The following SSBP3 variants were observed in gnomAD, a reference collection of about 807,000 sequenced individuals.
SSBP3 encodes the protein single stranded DNA binding protein 3.
Under a neutral mutation model 69.6 loss-of-function variants are expected in SSBP3, and 5 were observed. The ratio of observed to expected loss-of-function variants is 0.07; its 90% CI spans 0.04 to 0.15. The LOEUF (loss-of-function observed/expected upper bound fraction) is 0.15. Among genes scored for constraint, SSBP3 ranks in the 10% least tolerant of loss-of-function variants. The pLI, the probability that SSBP3 is intolerant of heterozygous loss-of-function variation, is 1.00. For missense variants in SSBP3, 312 were observed against 534.0 expected (o/e 0.58, Z 4.10); for synonymous variants, 196 against 193.4 (o/e 1.01, Z -0.11).
upstream of SSBP3, among the ~76,000 whole-genome samples, chr1:54,406,877 C>T (rs1355083748): frequency 1.3e-5 from 2 of 151,766 alleles, no homozygotes; most frequent in East Asian, 2.0e-4. Flanking sequence ...CAGCCCAGCC[C>T]TTATCTCGCC....
chr1:54,371,859 C>T (rs995198623), intron 4 of SSBP3, among the ~76,000 whole-genome samples: 17 of 152,128 alleles, frequency 1.1e-4, no homozygotes, highest in Non-Finnish European at 2.2e-4. Context: ...TACCCTGCAA[C>T]CACCACCTGG....
intron 4 of SSBP3, among the ~76,000 whole-genome samples, chr1:54,373,404 G>T (rs1647167559): frequency 6.6e-6 from 1 of 152,160 alleles, no homozygotes; most frequent in Admixed American, 6.5e-5. Flanking sequence ...CACGAATCCA[G>T]CCAATCTGGG....
At chr1:54,299,587 T>C (rs1645765032) in intron 4 of SSBP3, among the ~76,000 whole-genome samples, 1 of 151,746 alleles carries the variant, frequency 6.6e-6, no homozygotes, top group African/African-American at 2.4e-5. Context: ...GGAAACAAAT[T>C]ATTAGGAAAA....
chr1:54,285,269 A>G (rs1168420244), intron 4 of SSBP3: 1 of 152,250 alleles, frequency 6.6e-6, no homozygotes, highest in Non-Finnish European at 1.5e-5. Flanking sequence ...ATAGGGCAAC[A>G]AAAGAGTTAA....
intron 3 of SSBP3, 99 bp downstream of exon 3, chr1:54,404,477 C>T: frequency 6.9e-7 from 1 of 1,459,110 alleles, no homozygotes. Flanking sequence ...CAGAGGGCCA[C>T]AGGGCGGAGG....
chr1:54,229,624 C>G (rs942026604), intron 14 of SSBP3, among the ~76,000 whole-genome samples: 4 of 152,164 alleles, frequency 2.6e-5, no homozygotes, highest in African/African-American at 9.7e-5. Flanking sequence ...CTATCAAACC[C>G]TTCTCGGAAA....
At chr1:54,240,538 A>C (rs917582516) in intron 13 of SSBP3, among the ~76,000 whole-genome samples, 3 of 151,040 alleles carry the variant, frequency 2.0e-5, no homozygotes, top group Non-Finnish European at 4.4e-5. Context: ...AGCTACGGAA[A>C]CTCCAAAGGT....
At chr1:54,330,218 AAAC>A (rs1216504300) in intron 4 of SSBP3, among the ~76,000 whole-genome samples, 2 of 152,088 alleles carry the variant, frequency 1.3e-5, no homozygotes, top group Admixed American at 6.5e-5. Flanking sequence ...AAAAAAACGC[AAAC>A]ATCAATCAAC....
At chr1:54,342,758 A>C (rs1307307442) in intron 4 of SSBP3, among the ~76,000 whole-genome samples, 1 of 152,148 alleles carries the variant, frequency 6.6e-6, no homozygotes, top group African/African-American at 2.4e-5. Flanking sequence ...CTGTGTAAAA[A>C]TTATGTGAGG....
chr1:54,350,350 G>A (rs757467119), intron 4 of SSBP3, among the ~76,000 whole-genome samples: 2 of 152,208 alleles, frequency 1.3e-5, no homozygotes, highest in African/African-American at 2.4e-5. Flanking sequence ...CGGAACAAGC[G>A]CTGTTACTAG....
intron 4 of SSBP3, among the ~76,000 whole-genome samples, chr1:54,317,408 G>A (rs1413117877): frequency 6.6e-6 from 1 of 151,942 alleles, no homozygotes; most frequent in African/African-American, 2.4e-5. Flanking sequence ...GTGGTGGCAG[G>A]CGCCTGTGAT....
intron 4 of SSBP3, among the ~76,000 whole-genome samples, chr1:54,362,137 A>C (rs1433904958): frequency 6.6e-6 from 1 of 152,182 alleles, no homozygotes; most frequent in Non-Finnish European, 1.5e-5. Context: ...AGCGTAGGAG[A>C]CCACAAATAA....
At chr1:54,278,836 G>A (rs529701901) in intron 5 of SSBP3, among the ~76,000 whole-genome samples, 31 of 152,360 alleles carry the variant, frequency 2.0e-4, no homozygotes, top group Admixed American at 1.5e-3. Context: ...TAAAATCCTC[G>A]ATACCATCTC....
At chr1:54,387,936 A>G (rs1311939708) in intron 4 of SSBP3, among the ~76,000 whole-genome samples, 3 of 152,174 alleles carry the variant, frequency 2.0e-5, no homozygotes, top group Non-Finnish European at 4.4e-5. Context: ...CCTTACATAC[A>G]AGCAACGGCC....
chr1:54,227,284 G>A lies in SSBP3; in HGVS notation c.1138-124C>T. On this transcript the variant is annotated intron_variant, in intron 17 of 17. Coordinates refer to ENST00000610401, the Ensembl canonical transcript of SSBP3. ...GCAGGGCTCATTTGGGGATGTGGTT[G>A]AGCTGAGGGGCACATGGTGGCATGG... 5 of 709,454 alleles carry A rather than the reference G, an allele frequency of 7.0e-6. No homozygotes were observed. The South Asian group carries it at 8.1e-5, about 11-fold the overall frequency. The allele number at this position is 709,454 out of a possible 1,614,324, so 43.9% of individuals were successfully genotyped here. A position where few individuals can be genotyped will look rare whatever the true frequency, so the allele number is the denominator to read the frequency against.
At chr1:54,277,733 G>A (rs146380499) in intron 5 of SSBP3, among the ~76,000 whole-genome samples, 1 of 152,192 alleles carries the variant, frequency 6.6e-6, no homozygotes, top group African/African-American at 2.4e-5. Context: ...CTGCCCTCTT[G>A]TGAGTCCCGT....
At chr1:54,283,875 T>C (rs939669265) in intron 4 of SSBP3, among the ~76,000 whole-genome samples, 1 of 152,260 alleles carries the variant, frequency 6.6e-6, no homozygotes, top group Non-Finnish European at 1.5e-5. Context: ...AGCTTATCCA[T>C]TAGCTGCATT....
intron 4 of SSBP3, among the ~76,000 whole-genome samples, chr1:54,386,683 CTTTTTTTTTTTTTTT>C (rs58429798): frequency 1.2e-4 from 9 of 76,136 alleles, no homozygotes; most frequent in Non-Finnish European, 1.9e-4. Flanking sequence ...ACTGATCCTA[CTTTTTTTTTTTTTTT>C]TTTTTTAAGA....
intron 4 of SSBP3, among the ~76,000 whole-genome samples, chr1:54,399,512 A>G (rs1276682924): frequency 6.6e-6 from 1 of 152,254 alleles, no homozygotes; most frequent in Non-Finnish European, 1.5e-5. Flanking sequence ...AAAGCTGCCA[A>G]CAGAGGCTTT....
Sources: allele counts gnomAD v4.1 joint callset (sites outside exome capture counted in the v4.1 genomes callset), GRCh38; gene constraint gnomAD v4.1.1; transcripts MANE v1.5; gene names NCBI Gene and HGNC (gene_info 2026-07-23, HGNC 2026-07-21).